The following PRELID2 variants were observed in gnomAD, a reference collection of about 807,000 sequenced individuals.
PRELID2 encodes PRELI domain containing 2, also known as PRELI domain-containing protein 2.
A neutral mutation model predicts 28.4 loss-of-function variants in PRELID2; 25 were observed. The observed-to-expected ratio is 0.88, with a 90% CI of 0.64 to 1.23. The LOEUF is 1.23. Among genes scored for constraint, PRELID2 ranks in the 50% most tolerant of loss-of-function variants. The pLI, the probability that PRELID2 is intolerant of heterozygous loss-of-function variation, is 0.00. For synonymous variants in PRELID2, 76 were observed against 71.6 expected (o/e 1.06, Z -0.31); for missense variants, 201 against 214.4 (o/e 0.94, Z 0.39).
chr5:145,677,763 G>A (rs1424566804), intron 1 of PRELID2, among the ~76,000 whole-genome samples: 1 of 152,126 alleles, frequency 6.6e-6, no homozygotes, highest in African/African-American at 2.4e-5. Flanking sequence ...CAAGCACTGG[G>A]GATAAAGTGT....
rs762651729 is a variant in PRELID2, at chr5:145,817,983, C to T, written c.279G>A (p.Met93Ile). The change falls in exon 4 of 7, where the codon ATG (methionine) becomes ATA (isoleucine). Residue 93 changes from methionine to isoleucine, a missense_variant. By Grantham distance (10) the Met-to-Ile change is conservative. Coordinates refer to ENST00000683046, the MANE Select transcript of PRELID2 (RefSeq NM_205846.3). ...ACGTAAGGCAGTGACTCCGTATGGC[C>T]ATGTTTCTTTCCCGAGGATTGAGCC... ...ESWLNPRERN[M>I]AIRSHCLTWT... 9 of 1,612,026 alleles carry T rather than the reference C, an allele frequency of 5.6e-6. No homozygotes were observed. Among genetic ancestry groups the T allele is most frequent in the Non-Finnish European group, 7.6e-6 (9 of 1,179,166 alleles).
At chr5:145,432,542 T>A in the PRELID2 span, among the ~76,000 whole-genome samples, 17 of 152,006 alleles carry the variant, frequency 1.1e-4, no homozygotes, top group African/African-American at 3.9e-4. Context: ...AAAGCTGCCA[T>A]GGACTAATTA....
At chr5:145,317,669 C>T in the PRELID2 span, among the ~76,000 whole-genome samples, 1 of 152,182 alleles carries the variant, frequency 6.6e-6, no homozygotes, top group Admixed American at 6.5e-5. Context: ...GTATCTTCCC[C>T]ATCATGGCTA....
At chr5:145,322,620 T>G in the PRELID2 span, among the ~76,000 whole-genome samples, 1 of 152,198 alleles carries the variant, frequency 6.6e-6, no homozygotes, top group African/African-American at 2.4e-5. Context: ...AACTGATATA[T>G]AATTATTTCA....
the PRELID2 span, among the ~76,000 whole-genome samples, chr5:145,458,573 A>G: frequency 1.3e-5 from 2 of 152,194 alleles, no homozygotes; most frequent in Non-Finnish European, 2.9e-5. Flanking sequence ...CTATTCTGCC[A>G]GTATCTAGTG....
chr5:145,787,988 G>C (rs952103833), intron 5 of PRELID2, among the ~76,000 whole-genome samples: 1 of 152,106 alleles, frequency 6.6e-6, no homozygotes, highest in Non-Finnish European at 1.5e-5. Flanking sequence ...ATGAAAAAAG[G>C]GTTGAGAAAC....
At chr5:145,519,120 T>C (rs1752543017) in intron 1 of PRELID2, among the ~76,000 whole-genome samples, 1 of 152,202 alleles carries the variant, frequency 6.6e-6, no homozygotes, top group Non-Finnish European at 1.5e-5. Flanking sequence ...ACAGATATTA[T>C]TGTTGACTTG....
At chr5:145,440,605 C>T in the PRELID2 span, among the ~76,000 whole-genome samples, 5 of 151,972 alleles carry the variant, frequency 3.3e-5, no homozygotes, top group South Asian at 1.0e-3. Flanking sequence ...TTCCTTTGCT[C>T]GGCTTTTTAT....
intron 1 of PRELID2, among the ~76,000 whole-genome samples, chr5:145,526,964 T>C (rs7712096): frequency 0.015 from 2,208 of 152,272 alleles, 45 homozygotes; most frequent in African/African-American, 0.051. Flanking sequence ...AGTTAACCAT[T>C]TAATACTGAA....
chr5:145,782,251 T>C (rs539246417), intron 5 of PRELID2, among the ~76,000 whole-genome samples: 1 of 152,342 alleles, frequency 6.6e-6, no homozygotes, highest in East Asian at 1.9e-4. Flanking sequence ...GACTCTGACC[T>C]CCCTTGTCAG....
At chr5:145,428,112 C>T in the PRELID2 span, among the ~76,000 whole-genome samples, 3 of 152,096 alleles carry the variant, frequency 2.0e-5, no homozygotes, top group Admixed American at 6.5e-5. Flanking sequence ...GTGCCTGCCA[C>T]CACACCTGGC....
At chr5:145,624,211 C>G (rs1429556533) in intron 1 of PRELID2, among the ~76,000 whole-genome samples, 1 of 152,192 alleles carries the variant, frequency 6.6e-6, no homozygotes, top group Admixed American at 6.5e-5. Context: ...TGTTCACCAA[C>G]TCAGAAAGTC....
At chr5:145,543,162 T>C (rs1752758941) in intron 1 of PRELID2, among the ~76,000 whole-genome samples, 1 of 152,100 alleles carries the variant, frequency 6.6e-6, no homozygotes, top group Admixed American at 6.6e-5. Context: ...AAATTTCACA[T>C]TTGCTTGAGT....
the PRELID2 span, among the ~76,000 whole-genome samples, chr5:145,312,643 C>T: frequency 3.7e-4 from 57 of 152,268 alleles, no homozygotes; most frequent in African/African-American, 1.3e-3. Context: ...TTTCACTTAA[C>T]ATAATGCCCT....
rs573194228 is a variant in PRELID2, at chr5:145,611,182, TA to T, written n.71-137868del. Among the ~76,000 whole-genome samples, 50 of 152,018 alleles carry T rather than the reference TA, an allele frequency of 3.3e-4. No individual in the cohort carries two copies. In the East Asian group the frequency reaches 9.5e-3, roughly 29 times the overall value. ...AATTTAGCAAGGTCAATTTTTTTTTTATATGGGGTCTTGTTCTGTTGCCCAG... is the reference window on the plus strand; with the variant it reads ...AATTTAGCAAGGTCAATTTTTTTTTTTATGGGGTCTTGTTCTGTTGCCCAG... On this transcript the variant is annotated intron_variant and non_coding_transcript_variant, in intron 1 of 2. Coordinates refer to the PRELID2 transcript ENST00000510259.
At chr5:145,480,460 C>T (rs1752147736) in intron 1 of PRELID2, among the ~76,000 whole-genome samples, 1 of 152,012 alleles carries the variant, frequency 6.6e-6, no homozygotes, top group African/African-American at 2.4e-5. Flanking sequence ...TTTCTCAAAA[C>T]CTTCATTGTG....
the PRELID2 span, among the ~76,000 whole-genome samples, chr5:145,414,639 G>T: frequency 5.3e-5 from 8 of 152,104 alleles, no homozygotes; most frequent in South Asian, 1.7e-3. Context: ...ACTAATGAAT[G>T]AAACAATAAA....
chr5:145,809,241 C>T (rs1444436162), intron 4 of PRELID2, among the ~76,000 whole-genome samples: 1 of 152,096 alleles, frequency 6.6e-6, no homozygotes, highest in South Asian at 2.1e-4. Context: ...AGGGTTTCTC[C>T]ATGTTGCCCA....
At chr5:145,560,348 T>C (rs1307527431) in intron 1 of PRELID2, among the ~76,000 whole-genome samples, 5 of 152,236 alleles carry the variant, frequency 3.3e-5, no homozygotes, top group Admixed American at 6.5e-5. Context: ...TTCATTATTA[T>C]ATCCTCAGAA....
Sources: gnomAD v4.1 joint callset for allele counts (sites outside exome capture counted in the v4.1 genomes callset) on GRCh38, gnomAD v4.1.1 for gene constraint, MANE v1.5 for transcripts, NCBI Gene and HGNC (gene_info 2026-07-23, HGNC 2026-07-21) for gene names.